Variants in ESR2 observed in about 807,000 individuals in gnomAD.
The protein encoded by ESR2 is estrogen receptor 2.
Under a neutral mutation model 49.6 loss-of-function variants are expected in ESR2, and 36 were observed. The ratio of observed to expected loss-of-function variants is 0.73; its 90% CI spans 0.56 to 0.96. The LOEUF (loss-of-function observed/expected upper bound fraction) is 0.96, where lower values mean the gene tolerates loss of function less well. Among genes scored for constraint, ESR2 ranks in the 40% least tolerant of loss-of-function variants. The pLI is 0.00. For missense variants in ESR2, 714 were observed against 693.0 expected (o/e 1.03, Z -0.34); for synonymous variants, 320 against 266.1 (o/e 1.20, Z -1.97).
At chr14:64,251,021 C>A (rs1225687100) in intron 6 of ESR2, among the ~76,000 whole-genome samples, 1 of 152,114 alleles carries the variant, frequency 6.6e-6, no homozygotes, top group African/African-American at 2.4e-5. Context: ...ACACCAGTGC[C>A]CCCTGGAAGT....
intron 3 of ESR2, among the ~76,000 whole-genome samples, chr14:64,269,811 T>G (rs1297261438): frequency 6.6e-6 from 1 of 152,228 alleles, no homozygotes; most frequent in African/African-American, 2.4e-5. Flanking sequence ...AATGGTACTT[T>G]TAATTCTCTT....
At chr14:64,289,330 T>C (rs1240469334) in intron 1 of ESR2, among the ~76,000 whole-genome samples, 1 of 151,896 alleles carries the variant, frequency 6.6e-6, no homozygotes, top group Non-Finnish European at 1.5e-5. Flanking sequence ...CTAACCAACA[T>C]GGAGAAACCC....
intron 1 of ESR2, among the ~76,000 whole-genome samples, chr14:64,324,422 C>T (rs182250029): frequency 3.3e-5 from 5 of 152,294 alleles, no homozygotes; most frequent in South Asian, 4.1e-4. Flanking sequence ...CAGCTTTCTA[C>T]ACCAAATAAA....
chr14:64,304,886 A>ACAAG (rs2077069803), intron 1 of ESR2, among the ~76,000 whole-genome samples: 2 of 152,000 alleles, frequency 1.3e-5, no homozygotes, highest in African/African-American at 4.8e-5. Flanking sequence ...AAACAAACAA[A>ACAAG]CAAACAATAA....
Position 64,229,107 on chromosome 14 carries a change from G to C in ESR2, c.*4030C>G, listed in dbSNP as rs2098724923. 6.6e-6 allele frequency among the ~76,000 whole-genome samples: 1 copy of C among 152,124 alleles called. No homozygotes were observed. Among genetic ancestry groups the C allele is most frequent in the South Asian group, 2.1e-4 (1 of 4,814 alleles). Reference sequence around the variant, plus strand: ...TACCCACTAGAGCTCATGAACCTGAGATGGGACAATGGGAATAACAGATTA... The same window carrying C: ...TACCCACTAGAGCTCATGAACCTGACATGGGACAATGGGAATAACAGATTA... On this transcript the variant is annotated 3_prime_UTR_variant, in exon 9 of 9. Coordinates refer to ENST00000341099, the MANE Select transcript of ESR2 (RefSeq NM_001437.3).
chr14:64,280,192 A>C, intron 2 of ESR2, 39 bp from the exon 3 acceptor site: 1 of 1,447,660 alleles, frequency 6.9e-7, no homozygotes, highest in Non-Finnish European at 9.5e-7. Context: ...CAGAGCATAA[A>C]AGGGAAAGGA....
chr14:64,236,462 A>C (rs1296512035), intron 7 of ESR2, among the ~76,000 whole-genome samples: 6 of 152,070 alleles, frequency 3.9e-5, no homozygotes, highest in Non-Finnish European at 8.8e-5. Flanking sequence ...CTGAGAGGCC[A>C]AAAAGCAGAT....
chr14:64,266,106 TACA>T (rs1309653313), intron 4 of ESR2, among the ~76,000 whole-genome samples: 1 of 152,248 alleles, frequency 6.6e-6, no homozygotes, highest in African/African-American at 2.4e-5. Flanking sequence ...TCTGGCTAAA[TACA>T]ACAACCTTTC....
At position 64,260,638 on chromosome 14, in the gene ESR2, C is replaced by G. The variant is rs751892376; in HGVS notation, c.763G>C (p.Val255Leu). 6.8e-6 allele frequency: 11 copies of G among 1,609,744 alleles called. No individual in the cohort carries two copies. The African/African-American group carries it at 1.5e-4, about 22-fold the overall frequency. The change falls in exon 5 of 9, where the codon GTG becomes CTG. Residue 255 changes from valine to leucine, a missense_variant. Physicochemically the swap from Val to Leu is conservative, Grantham distance 32. Coordinates refer to ENST00000341099, the MANE Select transcript of ESR2 (RefSeq NM_001437.3). ...AGGGCGTCCAGCAGCAGCTCCCGCA[C>G]TCGGGGCGCGTGGCCGCCACTTCTC... ...AKRSGGHAPR[V>L]RELLLDALSP...
chr14:64,298,056 CTAAT>C (rs371166777), upstream of ESR2, among the ~76,000 whole-genome samples: 459 of 152,198 alleles, frequency 3.0e-3, 1 homozygote, highest in African/African-American at 0.011. Context: ...GATAGGATTA[CTAAT>C]TAATATGTCA....
chr14:64,292,306 A>G, intron 1 of ESR2, among the ~76,000 whole-genome samples: 1 of 152,214 alleles, frequency 6.6e-6, no homozygotes. Context: ...AGTTTTGATC[A>G]GTGATTTTCA....
In ESR2 at chr14:64,232,384, A is replaced by C. The variant is rs1400145902; in HGVS notation, c.*753T>G. On this transcript the variant is annotated 3_prime_UTR_variant, in exon 9 of 9. Transcript: ENST00000341099. ...CCCCATGGGACAACAGGTTTAAGGA[A>C]GAGCAGCTCCAGAAGCAGCGAGATT... 6.6e-6 allele frequency: 1 copy of C among 152,442 alleles called. No homozygotes were observed. Among genetic ancestry groups the C allele is most frequent in the Admixed American group, 6.5e-5 (1 of 15,286 alleles). The allele number at this position is 152,442 out of a possible 1,614,324, so 9.4% of individuals were successfully genotyped here.
chr14:64,246,138 T>C (rs2075850712), intron 7 of ESR2, among the ~76,000 whole-genome samples: 1 of 151,928 alleles, frequency 6.6e-6, no homozygotes, highest in African/African-American at 2.4e-5. Context: ...AAGCCAGGAG[T>C]TCAAGACCAG....
intron 1 of ESR2, among the ~76,000 whole-genome samples, chr14:64,304,271 C>A (rs1009450971): frequency 2.6e-5 from 4 of 152,130 alleles, no homozygotes; most frequent in African/African-American, 9.7e-5. Context: ...CTGCCACTGC[C>A]CTGCAGCCTG....
upstream of ESR2, among the ~76,000 whole-genome samples, chr14:64,297,906 C>A (rs1336163167): frequency 6.6e-6 from 1 of 152,042 alleles, no homozygotes; most frequent in Non-Finnish European, 1.5e-5. Flanking sequence ...TAGGAACAAG[C>A]TTATTTATAT....
chr14:64,315,018 G>A (rs186755330), intron 1 of ESR2, among the ~76,000 whole-genome samples: 121 of 151,624 alleles, frequency 8.0e-4, no homozygotes, highest in African/African-American at 2.7e-3. Context: ...AGGCCAAGGC[G>A]GGCAGATCTC....
rs766405281 is a variant in ESR2, at chr14:64,268,876, A to C, written c.571T>G (p.Cys191Gly). 1.2e-6 allele frequency: 2 copies of C among 1,613,138 alleles called. No homozygotes were observed. Among genetic ancestry groups the C allele is most frequent in the Admixed American group, 3.3e-5 (2 of 60,010 alleles). ...TTGCGCCGGTTTTTATCGATTGTAC[A>C]CTGATTTGTAGCTGGACAAATATAA... ...NDYICPATNQ[C>G]TIDKNRRKSC... Residue 191 changes from cysteine to glycine, a missense_variant, in exon 4 of 9, where the codon TGT becomes GGT. Transcript: ENST00000341099.
At position 64,230,819 on chromosome 14, in the gene ESR2, A is replaced by G. The variant is rs1162117705; in HGVS notation, c.*2318T>C. On this transcript the variant is annotated 3_prime_UTR_variant, in exon 9 of 9. Coordinates refer to ENST00000341099, the MANE Select transcript of ESR2 (RefSeq NM_001437.3). ...TTGCCATTGCCAGTTCACTCCCAGG[A>G]GTAGAAGTGATCTCTGTCTTAAGAT... 6.7e-6 allele frequency: 1 copy of G among 149,526 alleles called. No individual in the cohort carries two copies. The highest frequency in any genetic ancestry group is 2.5e-5 in the African/African-American group (1 of 40,550). 9.3% of individuals were successfully genotyped at this position (149,526 alleles called of 1,614,324 possible). A position where few individuals can be genotyped will look rare whatever the true frequency, so the allele number is the denominator to read the frequency against.
intron 1 of ESR2, among the ~76,000 whole-genome samples, chr14:64,310,286 A>AAAAAAAAATAAAAAAAAATAAT (rs1555595498): frequency 1.4e-5 from 2 of 142,468 alleles, no homozygotes; most frequent in African/African-American, 5.3e-5. Context: ...TCGTCTCAAA[A>AAAAAAAAATAAAAAAAAATAAT]AATAATAATA....
Sources: gnomAD v4.1 joint callset for allele counts (sites outside exome capture counted in the v4.1 genomes callset) on GRCh38, gnomAD v4.1.1 for gene constraint, MANE v1.5 for transcripts, NCBI Gene and HGNC (gene_info 2026-07-23, HGNC 2026-07-21) for gene names.